Variants in NKAIN3 observed in about 807,000 individuals in gnomAD.
NKAIN3 encodes the protein sodium/potassium transporting ATPase interacting 3.
Under a neutral mutation model 30.2 loss-of-function variants are expected in NKAIN3, and 25 were observed. That is an observed-to-expected ratio of 0.83 (90% CI 0.60 to 1.16). The LOEUF is 1.16. Ranked by LOEUF, NKAIN3 falls within the 50% of genes most tolerant of loss-of-function variation. The probability of loss-of-function intolerance (pLI) is 0.00; values close to 1 mark genes in which losing one functional copy is unlikely to be tolerated. For missense variants in NKAIN3, 225 were observed against 254.1 expected (o/e 0.89, Z 0.78); for synonymous variants, 91 against 89.6 (o/e 1.02, Z -0.09).
At chr8:62,798,410 A>C (rs1817939023) in intron 4 of NKAIN3, among the ~76,000 whole-genome samples, 1 of 152,038 alleles carries the variant, frequency 6.6e-6, no homozygotes, top group South Asian at 2.1e-4. Flanking sequence ...TCTCTACTGA[A>C]AATACAAAAA....
At chr8:62,910,468 A>G (rs562217915) in intron 4 of NKAIN3, among the ~76,000 whole-genome samples, 2 of 152,276 alleles carry the variant, frequency 1.3e-5, no homozygotes, top group East Asian at 1.9e-4. Context: ...TTATTTTTCA[A>G]TGTTAGTCAT....
At chr8:62,843,235 G>C (rs1209715049) in intron 4 of NKAIN3, among the ~76,000 whole-genome samples, 1 of 151,710 alleles carries the variant, frequency 6.6e-6, no homozygotes, top group African/African-American at 2.4e-5. Flanking sequence ...AGCTGGAAAA[G>C]GCAAGGAAAT....
At chr8:62,283,880 G>A (rs564166653) in intron 1 of NKAIN3, among the ~76,000 whole-genome samples, 20 of 152,038 alleles carry the variant, frequency 1.3e-4, no homozygotes, top group African/African-American at 4.6e-4. Context: ...CATATGAAAG[G>A]TTTTTTATTT....
intron 4 of NKAIN3, among the ~76,000 whole-genome samples, chr8:62,906,629 T>A (rs973180386): frequency 2.0e-5 from 3 of 152,204 alleles, no homozygotes; most frequent in African/African-American, 7.2e-5. Flanking sequence ...TTTTCCATGC[T>A]GTTCTTGTGA....
In NKAIN3 at chr8:62,306,345, C is replaced by T. The variant is rs1188051294; in HGVS notation, c.54+57218C>T. Among the ~76,000 whole-genome samples the T allele has an allele frequency of 3.3e-5, 5 of 150,024 alleles. 1 individual carries two copies. Among genetic ancestry groups the T allele is most frequent in the African/African-American group, 1.3e-4 (5 of 39,578 alleles). On this transcript the variant is annotated intron_variant, in intron 1 of 6. Transcript: ENST00000623646. ...GGGGAGGTGGGCAGTAATTAGATAT[C>T]TCCCAAGAATTAAGAAATAATGACA...
At chr8:62,652,446 A>G (rs993064065) in intron 3 of NKAIN3, among the ~76,000 whole-genome samples, 24 of 152,218 alleles carry the variant, frequency 1.6e-4, no homozygotes, top group Non-Finnish European at 2.8e-4. Context: ...CATAGGTGCG[A>G]TTAATCATTT....
Position 62,912,973 on chromosome 8 carries a change from G to T in NKAIN3, c.472-5480G>T, listed in dbSNP as rs538591414. Among the ~76,000 whole-genome samples, 7 of 152,184 alleles carry T rather than the reference G, an allele frequency of 4.6e-5. No homozygotes were observed. The South Asian group carries it at 1.5e-3, about 32-fold the overall frequency. On this transcript the variant is annotated intron_variant, in intron 4 of 6. Transcript: ENST00000623646. ...CACATTAGCCTCAGCCTAATCATCA[G>T]TGTCACTGGGATCAGTATCATCAAT... is the stretch of plus-strand genomic sequence containing the variant.
rs919008946 is a variant in NKAIN3, at chr8:62,975,311, T to C, written c.*9904T>C. Among the ~76,000 whole-genome samples the C allele has an allele frequency of 3.3e-5, 5 of 152,042 alleles. No homozygotes were observed. Among genetic ancestry groups the C allele is most frequent in the Non-Finnish European group, 5.9e-5 (4 of 68,004 alleles). On this transcript the variant is annotated 3_prime_UTR_variant, in exon 7 of 7. Transcript: ENST00000623646. Reference sequence around the variant, plus strand: ...GTCCTGGGCTTTTTTTTTTAGTTGGTCAGCTATTAATTACTGCCTCAATTT... The same window carrying C: ...GTCCTGGGCTTTTTTTTTTAGTTGGCCAGCTATTAATTACTGCCTCAATTT...
At chr8:62,585,670 G>A (rs992512017) in intron 2 of NKAIN3, among the ~76,000 whole-genome samples, 1 of 152,116 alleles carries the variant, frequency 6.6e-6, no homozygotes, top group African/African-American at 2.4e-5. Context: ...ATGCCACGCT[G>A]ATCTGACAGG....
intron 2 of NKAIN3, among the ~76,000 whole-genome samples, chr8:62,582,289 T>C (rs1011143253): frequency 6.6e-6 from 1 of 152,104 alleles, no homozygotes; most frequent in Non-Finnish European, 1.5e-5. Flanking sequence ...TTGTGTTAGG[T>C]GTGGACTATA....
intron 1 of NKAIN3, among the ~76,000 whole-genome samples, chr8:62,436,570 CT>C (rs1324922685): frequency 6.6e-6 from 1 of 152,092 alleles, no homozygotes; most frequent in African/African-American, 2.4e-5. Flanking sequence ...CCATCTTCCT[CT>C]TCTTTTTATT....
intron 1 of NKAIN3, among the ~76,000 whole-genome samples, chr8:62,267,990 A>T (rs1045664719): frequency 5.3e-5 from 8 of 152,228 alleles, no homozygotes; most frequent in African/African-American, 1.9e-4. Flanking sequence ...AATTTTAAAA[A>T]ATCTAATTTC....
At chr8:62,486,063 G>A (rs1649253567) in intron 1 of NKAIN3, among the ~76,000 whole-genome samples, 1 of 152,122 alleles carries the variant, frequency 6.6e-6, no homozygotes, top group South Asian at 2.1e-4. Flanking sequence ...GAAATTGCTG[G>A]TGTATAGTCA....
chr8:62,572,430 C>A (rs558487114), intron 1 of NKAIN3, among the ~76,000 whole-genome samples: 2 of 152,168 alleles, frequency 1.3e-5, no homozygotes, highest in Non-Finnish European at 2.9e-5. Context: ...TTCTTTTGAG[C>A]CCTCCAAACT....
chr8:62,993,141 C>G (rs967140977), intron 5 of NKAIN3, among the ~76,000 whole-genome samples: 1 of 152,024 alleles, frequency 6.6e-6, no homozygotes, highest in African/African-American at 2.4e-5. Context: ...TGGAAGTCGT[C>G]CACATTACCT....
intron 4 of NKAIN3, among the ~76,000 whole-genome samples, chr8:62,799,342 C>T (rs537666808): frequency 1.6e-4 from 24 of 152,054 alleles, no homozygotes; most frequent in African/African-American, 5.5e-4. Context: ...TCAAACAAAT[C>T]AGCAAGAAAA....
chr8:62,717,883 G>A (rs1814957903), intron 3 of NKAIN3, among the ~76,000 whole-genome samples: 1 of 152,108 alleles, frequency 6.6e-6, no homozygotes, highest in African/African-American at 2.4e-5. Context: ...AAATCACTTG[G>A]TTAGTATGGT....
chr8:62,857,623 C>A (rs1278266468), intron 4 of NKAIN3, among the ~76,000 whole-genome samples: 3 of 152,152 alleles, frequency 2.0e-5, no homozygotes, highest in African/African-American at 7.2e-5. Context: ...ATTCTTTCTT[C>A]CACTTGATCT....
chr8:62,900,680 A>G (rs1821587499), intron 4 of NKAIN3, among the ~76,000 whole-genome samples: 1 of 152,258 alleles, frequency 6.6e-6, no homozygotes, highest in Admixed American at 6.5e-5. Flanking sequence ...AGCACTAGAT[A>G]TCCATTATCT....
Sources: gnomAD v4.1 joint callset for allele counts (sites outside exome capture counted in the v4.1 genomes callset) on GRCh38, gnomAD v4.1.1 for gene constraint, MANE v1.5 for transcripts, NCBI Gene and HGNC (gene_info 2026-07-23, HGNC 2026-07-21) for gene names.